Variants in GPC5 observed in about 807,000 individuals in gnomAD.
GPC5 encodes glypican-5.
Under a neutral mutation model 53.9 loss-of-function variants are expected in GPC5, and 47 were observed. That is an observed-to-expected ratio of 0.87 (90% CI 0.69 to 1.11). GPC5 has a LOEUF of 1.11. Ranked by LOEUF, GPC5 falls within the 50% of genes most tolerant of loss-of-function variation. The pLI is 0.00. For synonymous variants in GPC5, 286 were observed against 263.3 expected, an observed-to-expected ratio of 1.09 and a Z score of -0.84; for missense variants, 748 against 713.1, an observed-to-expected ratio of 1.05 and a Z score of -0.56.
At chr13:92,476,324 C>A (rs1879126977) in intron 7 of GPC5, among the ~76,000 whole-genome samples, 1 of 151,982 alleles carries the variant, frequency 6.6e-6, no homozygotes, top group Non-Finnish European at 1.5e-5. Context: ...CAGAGAAATG[C>A]AAATCAAAAC....
intron 6 of GPC5, among the ~76,000 whole-genome samples, chr13:92,084,430 T>C (rs1281318607): frequency 2.0e-5 from 3 of 152,052 alleles, no homozygotes; most frequent in African/African-American, 4.8e-5. Flanking sequence ...AATGGAAGAG[T>C]TGAGGCTGGT....
At chr13:91,478,041 A>C (rs9589247) in intron 2 of GPC5, among the ~76,000 whole-genome samples, 22,349 of 152,066 alleles carry the variant, frequency 0.15, 1,855 homozygotes, top group Middle Eastern at 0.24. Flanking sequence ...GGAAAAAAAA[A>C]CAGATTCATA....
chr13:92,812,575 C>A (rs1417052629), intron 7 of GPC5, among the ~76,000 whole-genome samples: 2 of 151,810 alleles, frequency 1.3e-5, no homozygotes, highest in Admixed American at 1.3e-4. Flanking sequence ...CCACTTTCAT[C>A]ACGTTTATTC....
chr13:91,522,951 T>C (rs970218284), intron 2 of GPC5, among the ~76,000 whole-genome samples: 1 of 152,222 alleles, frequency 6.6e-6, no homozygotes, highest in African/African-American at 2.4e-5. Flanking sequence ...TTTTTGCTAT[T>C]GTGAATAGTG....
chr13:92,156,990 T>C (rs2041949699), intron 7 of GPC5, among the ~76,000 whole-genome samples: 1 of 152,156 alleles, frequency 6.6e-6, no homozygotes, highest in Admixed American at 6.5e-5. Context: ...TATTATCTAT[T>C]ATTTCCAATT....
intron 5 of GPC5, among the ~76,000 whole-genome samples, chr13:91,862,668 G>A (rs1179058694): frequency 7.2e-5 from 11 of 151,972 alleles, no homozygotes; most frequent in Non-Finnish European, 7.4e-5. Context: ...AGTAATATAT[G>A]TGTGACATAC....
intron 7 of GPC5, among the ~76,000 whole-genome samples, chr13:92,601,861 T>C (rs1207105638): frequency 6.6e-6 from 1 of 151,722 alleles, no homozygotes; most frequent in African/African-American, 2.4e-5. Flanking sequence ...TGAAAATTTC[T>C]TCTATGACAT....
In GPC5 at chr13:91,781,293, GT is replaced by G. The variant is rs2037795011; in HGVS notation, c.1280+24874del. On this transcript the variant is annotated intron_variant, in intron 5 of 7. Transcript: ENST00000377067. ...CACTGGCTTCCAGTTTGAAAGAACTGTGCTTAAAAAGTTAACTCAACAAAAC... is the reference window on the plus strand; with the variant it reads ...CACTGGCTTCCAGTTTGAAAGAACTGGCTTAAAAAGTTAACTCAACAAAAC... Among the ~76,000 whole-genome samples the G allele has an allele frequency of 3.3e-5, 5 of 152,312 alleles. No individual in the cohort carries two copies. In the South Asian group the frequency reaches 1.0e-3, roughly 32 times the overall value.
At chr13:91,575,803 G>A (rs1317978419) in intron 2 of GPC5, among the ~76,000 whole-genome samples, 2 of 151,956 alleles carry the variant, frequency 1.3e-5, no homozygotes, top group African/African-American at 4.8e-5. Context: ...ATTTTCTTTA[G>A]GAGTATACTT....
intron 7 of GPC5, among the ~76,000 whole-genome samples, chr13:92,666,766 A>G (rs897910127): frequency 1.3e-5 from 2 of 152,228 alleles, no homozygotes. Context: ...GAAGAATTAC[A>G]TATATTTCTT....
chr13:92,701,872 TA>T (rs1477431640), intron 7 of GPC5, among the ~76,000 whole-genome samples: 1 of 152,008 alleles, frequency 6.6e-6, no homozygotes, highest in Non-Finnish European at 1.5e-5. Context: ...CTAGGGAAAA[TA>T]AAAGCTAATT....
At chr13:91,563,798 A>G (rs1328849712) in intron 2 of GPC5, among the ~76,000 whole-genome samples, 1 of 150,200 alleles carries the variant, frequency 6.7e-6, no homozygotes, top group African/African-American at 2.5e-5. Flanking sequence ...TTCCTTCCTC[A>G]ATGTTGCTGC....
intron 2 of GPC5, among the ~76,000 whole-genome samples, chr13:91,549,067 G>A (rs750894657): frequency 5.9e-5 from 9 of 152,072 alleles, no homozygotes; most frequent in Non-Finnish European, 1.3e-4. Flanking sequence ...TCAAGAGTTC[G>A]AGACCAGCCT....
chr13:91,895,765 G>A lies in GPC5; in HGVS notation c.1281-12172G>A, dbSNP rs144174844. ...GGGGTGGTATTAGTTTTCTGTGGCT[G>A]CTAGGACAAACGATCATGAACGGAG... On this transcript the variant is annotated intron_variant, in intron 5 of 7. Transcript: ENST00000377067. 4.0e-3 allele frequency among the ~76,000 whole-genome samples: 608 copies of A among 152,122 alleles called. 3 individuals are homozygous for A. The highest frequency in any genetic ancestry group is 0.014 in the African/African-American group (574 of 41,486).
At chr13:91,935,775 G>A (rs1212486762) in intron 6 of GPC5, among the ~76,000 whole-genome samples, 1 of 151,998 alleles carries the variant, frequency 6.6e-6, no homozygotes, top group South Asian at 2.1e-4. Context: ...GAGAGTTAAT[G>A]TCAAGTGCAA....
chr13:92,109,447 CT>C (rs2041538951), intron 6 of GPC5, among the ~76,000 whole-genome samples: 1 of 152,160 alleles, frequency 6.6e-6, no homozygotes, highest in Non-Finnish European at 1.5e-5. Context: ...TATTCAAACT[CT>C]TTCCTTCAAT....
At position 91,602,593 on chromosome 13, in the gene GPC5, T is replaced by A. The variant is rs150508089; in HGVS notation, c.326-90594T>A. ...GATCTAAAATGTCATAGCTTTTTAG[T>A]GTTTATAGCATTTGTATTATGATCA... On this transcript the variant is annotated intron_variant, in intron 2 of 7. Transcript: ENST00000377067. Among the ~76,000 whole-genome samples, 330 of 152,336 alleles carry A rather than the reference T, an allele frequency of 2.2e-3. 1 individual carries two copies. The highest frequency in any genetic ancestry group is 7.7e-3 in the African/African-American group (320 of 41,582).
At chr13:92,409,352 A>G (rs770446332) in intron 7 of GPC5, among the ~76,000 whole-genome samples, 1 of 151,982 alleles carries the variant, frequency 6.6e-6, no homozygotes, top group Non-Finnish European at 1.5e-5. Context: ...GTAGAATCAT[A>G]ACGAAGGTAA....
chr13:91,741,287 CATTT>C (rs1423659184), intron 4 of GPC5, among the ~76,000 whole-genome samples: 1 of 152,022 alleles, frequency 6.6e-6, no homozygotes, highest in Non-Finnish European at 1.5e-5. Flanking sequence ...CATTCTAATG[CATTT>C]ATTAAATCGT....
Sources: gnomAD v4.1 joint callset for allele counts (sites outside exome capture counted in the v4.1 genomes callset) on GRCh38, gnomAD v4.1.1 for gene constraint, MANE v1.5 for transcripts, NCBI Gene and HGNC (gene_info 2026-07-23, HGNC 2026-07-21) for gene names.